Variants in CAMTA1 observed in about 807,000 individuals in gnomAD.
The protein encoded by CAMTA1 is calmodulin-binding transcription activator 1.
In CAMTA1, 27 loss-of-function variants were observed where a neutral mutation model predicts 170.9. That is an observed-to-expected ratio of 0.16 (90% confidence interval 0.12 to 0.22). CAMTA1 has a LOEUF of 0.22. Ranked by LOEUF, CAMTA1 falls within the 10% of genes least tolerant of loss-of-function variation. CAMTA1 has a pLI of 1.00. For missense variants in CAMTA1, 1,619 were observed against 2,217.2 expected, an observed-to-expected ratio of 0.73 and a Z score of 5.42; for synonymous variants, 833 against 891.5, an observed-to-expected ratio of 0.93 and a Z score of 1.17.
intron 21 of CAMTA1, among the ~76,000 whole-genome samples, chr1:7,754,740 A>G (rs756132734): frequency 6.6e-6 from 1 of 152,230 alleles, no homozygotes; most frequent in Non-Finnish European, 1.5e-5. Flanking sequence ...GAATGAAATA[A>G]AAAATGTTAT....
intron 6 of CAMTA1, among the ~76,000 whole-genome samples, chr1:7,498,492 A>T (rs1490736311): frequency 6.6e-6 from 1 of 151,044 alleles, no homozygotes; most frequent in Non-Finnish European, 1.5e-5. Flanking sequence ...CATGTATGAG[A>T]GTGAGTGTGG....
At chr1:6,960,224 T>C (rs1299009072) in intron 3 of CAMTA1, among the ~76,000 whole-genome samples, 2 of 152,162 alleles carry the variant, frequency 1.3e-5, no homozygotes, top group Non-Finnish European at 2.9e-5. Flanking sequence ...GCAAGTTGCT[T>C]TCAAGGGGCA....
chr1:6,871,658 G>C, intron 3 of CAMTA1: 1 of 1,030,282 alleles, frequency 9.7e-7, no homozygotes, highest in South Asian at 1.5e-5. Flanking sequence ...CACGACATCA[G>C]GAATGATGGG....
intron 4 of CAMTA1, among the ~76,000 whole-genome samples, chr1:7,156,893 A>G (rs1157981464): frequency 6.6e-6 from 1 of 152,022 alleles, no homozygotes; most frequent in Non-Finnish European, 1.5e-5. Flanking sequence ...TGCTCCTCTT[A>G]CTGTCACCAG....
At chr1:7,505,812 C>T (rs1356579391) in intron 6 of CAMTA1, among the ~76,000 whole-genome samples, 1 of 152,172 alleles carries the variant, frequency 6.6e-6, no homozygotes, top group Non-Finnish European at 1.5e-5. Context: ...GGGTGTCCGG[C>T]CCCAGTGCTC....
At chr1:6,988,907 G>T (rs1260135015) in intron 3 of CAMTA1, among the ~76,000 whole-genome samples, 1 of 152,208 alleles carries the variant, frequency 6.6e-6, no homozygotes, top group Non-Finnish European at 1.5e-5. Context: ...TGTAGCACTG[G>T]ACTGACTGAG....
chr1:7,703,245 G>C (rs1341676228), intron 11 of CAMTA1, among the ~76,000 whole-genome samples: 1 of 152,154 alleles, frequency 6.6e-6, no homozygotes, highest in Non-Finnish European at 1.5e-5. Context: ...CAGATAAAGG[G>C]GAGGAGTTGC....
intron 5 of CAMTA1, among the ~76,000 whole-genome samples, chr1:7,379,694 T>C (rs1196405936): frequency 6.6e-6 from 1 of 152,230 alleles, no homozygotes; most frequent in Non-Finnish European, 1.5e-5. Context: ...GCAAGGGCAG[T>C]GGCCGTCTGA....
At chr1:7,155,394 G>A (rs562880536) in intron 4 of CAMTA1, among the ~76,000 whole-genome samples, 14 of 151,824 alleles carry the variant, frequency 9.2e-5, no homozygotes, top group Non-Finnish European at 1.8e-4. Flanking sequence ...CGTTGGGGGG[G>A]GGATTGGGCA....
intron 4 of CAMTA1, among the ~76,000 whole-genome samples, chr1:7,199,412 G>C (rs1448712190): frequency 6.6e-6 from 1 of 152,236 alleles, no homozygotes; most frequent in Non-Finnish European, 1.5e-5. Flanking sequence ...CTGCTGCTCA[G>C]CGTCCCTTCT....
chr1:7,238,101 G>C (rs777301856), intron 4 of CAMTA1, among the ~76,000 whole-genome samples: 4 of 151,060 alleles, frequency 2.6e-5, no homozygotes, highest in Non-Finnish European at 4.4e-5. Context: ...AAACAGACTA[G>C]CATAATGAAT....
intron 6 of CAMTA1, among the ~76,000 whole-genome samples, chr1:7,518,353 G>A (rs184054260): frequency 7.2e-5 from 11 of 151,800 alleles, no homozygotes; most frequent in South Asian, 2.1e-4. Flanking sequence ...TCCCTCCACC[G>A]GCCTCTCCAT....
At chr1:7,350,466 G>C (rs978548459) in intron 5 of CAMTA1, among the ~76,000 whole-genome samples, 47 of 152,180 alleles carry the variant, frequency 3.1e-4, no homozygotes, top group African/African-American at 1.0e-3. Flanking sequence ...TCTTATTCCA[G>C]AAAGAACTCA....
At chr1:6,957,382 C>T (rs1371485513) in intron 3 of CAMTA1, among the ~76,000 whole-genome samples, 1 of 151,994 alleles carries the variant, frequency 6.6e-6, no homozygotes, top group Non-Finnish European at 1.5e-5. Context: ...TATCTTGCAG[C>T]TCCAAAGGCA....
At chr1:7,553,229 GAGGGAATGAATGAAT>G (rs2094830553) in intron 6 of CAMTA1, among the ~76,000 whole-genome samples, 2 of 13,010 alleles carry the variant, frequency 1.5e-4, no homozygotes, top group African/African-American at 1.7e-3. Context: ...GTGAATGAAT[GAGGGAATGAATGAAT>G]GAGGGAATGA....
intron 5 of CAMTA1, among the ~76,000 whole-genome samples, chr1:7,276,303 A>ATATATTTTTTTTTTTT: frequency 1.7e-4 from 4 of 24,234 alleles, no homozygotes; most frequent in African/African-American, 5.9e-4. Flanking sequence ...ATATATATAT[A>ATATATTTTTTTTTTTT]TTTTTTTTTT....
At position 7,241,417 on chromosome 1, in the gene CAMTA1, CA is replaced by C. The variant is rs200786090; in HGVS notation, c.303-8073del. On this transcript the variant is annotated intron_variant, in intron 4 of 22. Transcript: ENST00000303635. ...AGTACAACTCCAATTAAAATTCTAG[CA>C]GCCTTTTTTCCTCAGAAATTGTCAA... Among the ~76,000 whole-genome samples the C allele has an allele frequency of 8.1e-3, 1,240 of 152,302 alleles. 8 individuals carry two copies. Among genetic ancestry groups the C allele is most frequent in the Middle Eastern group, 0.02 (6 of 294 alleles).
intron 5 of CAMTA1, among the ~76,000 whole-genome samples, chr1:7,282,542 T>C (rs1433154582): frequency 6.6e-6 from 1 of 152,170 alleles, no homozygotes; most frequent in Non-Finnish European, 1.5e-5. Context: ...CATTTCAGCC[T>C]CTTTCCTGAA....
chr1:6,821,791 G>C (rs1646515223), intron 2 of CAMTA1, among the ~76,000 whole-genome samples: 1 of 152,110 alleles, frequency 6.6e-6, no homozygotes, highest in South Asian at 2.1e-4. Flanking sequence ...TAAAGGATTT[G>C]GCAATGTGAA....
Sources: allele counts gnomAD v4.1 joint callset (sites outside exome capture counted in the v4.1 genomes callset), GRCh38; gene constraint gnomAD v4.1.1; transcripts MANE v1.5; gene names NCBI Gene and HGNC (gene_info 2026-07-23, HGNC 2026-07-21).